CSMD2: variants seen among roughly 807,000 people sequenced by gnomAD.
CSMD2 encodes the protein CUB and sushi domain-containing protein 2.
Under a neutral mutation model 398.5 loss-of-function variants are expected in CSMD2, and 130 were observed. The ratio of observed to expected loss-of-function variants is 0.33; its 90% confidence interval spans 0.28 to 0.38. The LOEUF (loss-of-function observed/expected upper bound fraction) is 0.38. Ranked by LOEUF, CSMD2 falls within the 10% of genes least tolerant of loss-of-function variation. CSMD2 has a pLI of 1.00. For synonymous variants in CSMD2, 1,828 were observed against 1,908.5 expected (o/e 0.96, Z 1.10); for missense variants, 3,829 against 4,764.9 (o/e 0.80, Z 5.78).
chr1:33,700,746 C>G (rs1645586031), intron 22 of CSMD2, 73 bp from the exon 23 acceptor site: 5 of 1,475,210 alleles, frequency 3.4e-6, no homozygotes, highest in Non-Finnish European at 4.7e-6. Context: ...CCTTACCCCA[C>G]AACCCACACT....
intron 40 of CSMD2, among the ~76,000 whole-genome samples, chr1:33,612,892 G>A (rs1641117866): frequency 6.6e-6 from 1 of 152,176 alleles, no homozygotes; most frequent in South Asian, 2.1e-4. Flanking sequence ...GTGTTAGGCT[G>A]TGATGACATC....
intron 1 of CSMD2, among the ~76,000 whole-genome samples, chr1:34,123,468 C>T (rs990631113): frequency 1.3e-5 from 2 of 151,842 alleles, no homozygotes; most frequent in Non-Finnish European, 2.9e-5. Context: ...AACTGGTAAA[C>T]GTATGTGTTT....
intron 5 of CSMD2, chr1:33,864,487 C>T (rs867842311): frequency 1.2e-6 from 2 of 1,613,586 alleles, no homozygotes. Flanking sequence ...CCTCCATCAT[C>T]CTTCCTACTC....
chr1:33,644,394 A>C (rs1643297195), intron 29 of CSMD2, among the ~76,000 whole-genome samples: 1 of 152,208 alleles, frequency 6.6e-6, no homozygotes, highest in African/African-American at 2.4e-5. Flanking sequence ...ATCATCTTAT[A>C]AAAAATGAGG....
intron 10 of CSMD2, among the ~76,000 whole-genome samples, chr1:33,804,516 C>A (rs1032930031): frequency 6.6e-6 from 1 of 151,514 alleles, no homozygotes; most frequent in Non-Finnish European, 1.5e-5. Context: ...TTTCCCATAG[C>A]GCTCTGGACA....
At chr1:33,649,033 T>A (rs922940042) in intron 28 of CSMD2, among the ~76,000 whole-genome samples, 1 of 152,236 alleles carries the variant, frequency 6.6e-6, no homozygotes, top group South Asian at 2.1e-4. Context: ...ATAAAGTTTA[T>A]ATTTTTTATT....
intron 24 of CSMD2, among the ~76,000 whole-genome samples, chr1:33,695,597 C>A (rs140236535): frequency 1.3e-5 from 2 of 152,350 alleles, no homozygotes; most frequent in East Asian, 3.9e-4. Flanking sequence ...CTCTACTTTG[C>A]CCACATTGCT....
rs763668063 is a variant in CSMD2, at chr1:33,542,899, AG to A, written c.9101-4del. ...CCCAGGGTTCCCACAAGAGATCACT[AG>A]GAAGACAAAAATACACATTATTCAC... is the stretch of plus-strand genomic sequence containing the variant. On this transcript the variant is annotated splice_region_variant and splice_polypyrimidine_tract_variant and intron_variant, in intron 57 of 70. Coordinates refer to ENST00000373381, the MANE Select transcript of CSMD2 (RefSeq NM_001281956.2). 6.2e-7 allele frequency: 1 copy of A among 1,613,600 alleles called. No homozygotes were observed. The highest frequency in any genetic ancestry group is 1.1e-5 in the South Asian group (1 of 90,970).
At chr1:33,882,442 C>T (rs1641299956) in intron 5 of CSMD2, among the ~76,000 whole-genome samples, 1 of 152,230 alleles carries the variant, frequency 6.6e-6, no homozygotes, top group Admixed American at 6.5e-5. Flanking sequence ...ACTCTTCCCA[C>T]TTGAGAATGT....
At chr1:33,998,554 C>A (rs770563850) in intron 3 of CSMD2, among the ~76,000 whole-genome samples, 3 of 152,190 alleles carry the variant, frequency 2.0e-5, no homozygotes, top group Non-Finnish European at 4.4e-5. Context: ...TCTCACGCAA[C>A]GCTGCTCAGA....
At chr1:33,763,329 T>C (rs1225800871) in intron 13 of CSMD2, among the ~76,000 whole-genome samples, 2 of 152,174 alleles carry the variant, frequency 1.3e-5, no homozygotes, top group African/African-American at 4.8e-5. Context: ...TATGACCTAA[T>C]GTCTAGATCA....
chr1:33,916,073 C>T (rs1156253259), intron 5 of CSMD2, among the ~76,000 whole-genome samples: 1 of 152,094 alleles, frequency 6.6e-6, no homozygotes, highest in Non-Finnish European at 1.5e-5. Flanking sequence ...CTGTCTGGCA[C>T]ATATTGGTAG....
intron 12 of CSMD2, among the ~76,000 whole-genome samples, chr1:33,786,030 C>T (rs1299056215): frequency 2.0e-5 from 3 of 152,234 alleles, no homozygotes; most frequent in African/African-American, 7.2e-5. Flanking sequence ...CTGGTGCCTG[C>T]TCAGGGCAGG....
intron 2 of CSMD2, among the ~76,000 whole-genome samples, chr1:34,057,930 T>C (rs1362670756): frequency 2.0e-5 from 3 of 151,934 alleles, no homozygotes; most frequent in Non-Finnish European, 4.4e-5. Context: ...GGTGAGGAGG[T>C]GAGGCACGCT....
chr1:33,758,273 C>T (rs1313965857), intron 13 of CSMD2, among the ~76,000 whole-genome samples: 3 of 152,216 alleles, frequency 2.0e-5, no homozygotes, highest in African/African-American at 7.2e-5. Context: ...ACTTACCCTT[C>T]CTAGCTGCAG....
intron 28 of CSMD2, among the ~76,000 whole-genome samples, chr1:33,647,144 A>G (rs1440037891): frequency 6.6e-6 from 1 of 152,218 alleles, no homozygotes; most frequent in Non-Finnish European, 1.5e-5. Flanking sequence ...AACTCTGGAC[A>G]CCAAGCTGTC....
intron 5 of CSMD2, among the ~76,000 whole-genome samples, chr1:33,907,480 G>A (rs986406981): frequency 3.9e-5 from 6 of 152,114 alleles, no homozygotes; most frequent in African/African-American, 1.2e-4. Context: ...GAGGGTTGAA[G>A]AGTGGGAGTG....
chr1:33,685,611 G>A (rs1158328355), intron 25 of CSMD2, among the ~76,000 whole-genome samples: 1 of 152,156 alleles, frequency 6.6e-6, no homozygotes, highest in Non-Finnish European at 1.5e-5. Context: ...TTGCCCACAT[G>A]CACGCAGCTC....
Position 33,537,643 on chromosome 1 carries a change from T to C in CSMD2, c.9632-34A>G, listed in dbSNP as rs566201112. On this transcript the variant is annotated intron_variant, in intron 60 of 70. Transcript: ENST00000373381. The surrounding 1 kb of genome is among the most constrained non-coding windows in gnomAD (Gnocchi z 4.6). ...ACGAAGGGAGAAAGGCAGGTCTAAG[T>C]TGCTTTCCAGAACCCAATCTTCCAG... 5.7e-6 allele frequency: 9 copies of C among 1,581,930 alleles called. No individual in the cohort carries two copies. In the African/African-American group the frequency reaches 6.7e-5, roughly 12 times the overall value.
Sources: gnomAD v4.1 joint callset for allele counts (sites outside exome capture counted in the v4.1 genomes callset) on GRCh38, gnomAD v4.1.1 for gene constraint, Gnocchi (gnomAD v3.1) non-coding constraint, MANE v1.5 for transcripts, NCBI Gene and HGNC (gene_info 2026-07-23, HGNC 2026-07-21) for gene names.